The following TRPM6 variants were observed in gnomAD, a reference collection of about 807,000 sequenced individuals.
TRPM6 encodes the protein channel kinase 2.
A neutral mutation model predicts 247.6 loss-of-function variants in TRPM6; 111 were observed. The observed-to-expected ratio is 0.45, with a 90% CI of 0.38 to 0.52. TRPM6 has a LOEUF of 0.52. TRPM6 is among the 20% of genes least tolerant of loss of function. TRPM6 has a pLI of 0.00. For missense variants in TRPM6, 2,126 were observed against 2,421.5 expected (o/e 0.88, Z 2.56); for synonymous variants, 892 against 853.8 (o/e 1.04, Z -0.78).
chr9:74,816,460 G>A (rs1398297742), intron 11 of TRPM6, among the ~76,000 whole-genome samples: 13 of 109,336 alleles, frequency 1.2e-4, no homozygotes, highest in African/African-American at 4.8e-4. Context: ...AGATTGCAGA[G>A]CCAGGAAAAA....
chr9:74,736,646 A>G (rs7875346), intron 36 of TRPM6, among the ~76,000 whole-genome samples: 34,491 of 152,066 alleles, frequency 0.23, 4,936 homozygotes, highest in African/African-American at 0.4. Context: ...TCTCTGATAA[A>G]TATCTCAAAT....
intron 3 of TRPM6, among the ~76,000 whole-genome samples, chr9:74,852,188 C>CT (rs926726280): frequency 5.3e-4 from 81 of 151,702 alleles, no homozygotes; most frequent in African/African-American, 1.9e-3. Context: ...AGCGGAACTA[C>CT]TTTTTAAAAC....
At chr9:74,769,705 C>G (rs1416445087) in intron 25 of TRPM6, among the ~76,000 whole-genome samples, 3 of 150,900 alleles carry the variant, frequency 2.0e-5, no homozygotes, top group Non-Finnish European at 2.9e-5. Context: ...TTGCAGTGAG[C>G]CAAGATCACG....
chr9:74,862,854 G>A (rs1363252226), intron 1 of TRPM6, among the ~76,000 whole-genome samples: 2 of 151,604 alleles, frequency 1.3e-5, no homozygotes, highest in South Asian at 2.1e-4. Flanking sequence ...GGTGTCGGGC[G>A]CCTATAGTCC....
At chr9:74,784,022 G>A (rs1255063736) in intron 21 of TRPM6, among the ~76,000 whole-genome samples, 2 of 152,264 alleles carry the variant, frequency 1.3e-5, no homozygotes, top group Non-Finnish European at 1.5e-5. Context: ...TTGGGAGGCC[G>A]AGGCGAGCGG....
intron 5 of TRPM6, among the ~76,000 whole-genome samples, chr9:74,834,836 C>G (rs1234339786): frequency 6.6e-6 from 1 of 152,104 alleles, no homozygotes; most frequent in Non-Finnish European, 1.5e-5. Flanking sequence ...CAATCTATCC[C>G]TGATGGACAT....
chr9:74,777,495 C>T (rs945240395), intron 23 of TRPM6, among the ~76,000 whole-genome samples: 1 of 152,200 alleles, frequency 6.6e-6, no homozygotes, highest in South Asian at 2.1e-4. Flanking sequence ...AGGAGGCTCA[C>T]AAAGAGGCCT....
chr9:74,793,995 G>C (rs576553026), intron 18 of TRPM6, among the ~76,000 whole-genome samples: 1 of 151,924 alleles, frequency 6.6e-6, no homozygotes. Context: ...GGAAGGAAAG[G>C]AAGAGAAAAG....
At chr9:74,828,072 G>T (rs1019316363) in intron 6 of TRPM6, 123 bp from the exon 7 acceptor site, 2 of 1,035,786 alleles carry the variant, frequency 1.9e-6, no homozygotes. Context: ...TACTACTTGC[G>T]GCCAGGCATG....
At chr9:74,778,899 A>T (rs147788634) in intron 23 of TRPM6, among the ~76,000 whole-genome samples, 3,214 of 151,992 alleles carry the variant, frequency 0.021, 55 homozygotes, top group Non-Finnish European at 0.031. Context: ...ACCAGGCAAC[A>T]CTCCTTCCCA....
At position 74,788,635 on chromosome 9, in the gene TRPM6, A is replaced by T. The variant is rs1827779884; in HGVS notation, c.2646T>A (p.Asn882Lys). The change falls in exon 20 of 39, where the codon AAT (asparagine) becomes AAA (lysine). Residue 882 changes from asparagine (N) to lysine (K), a missense_variant. By Grantham distance (94) the Asn-to-Lys change is moderately conservative (BLOSUM62 0). Transcript: ENST00000360774. ...EWLVSIYIFT[N>K]AIEVVREICI... The stretch of plus-strand genomic sequence containing the variant: ...TCACCTCCCTGACCACCTCAATAGC[A>T]TTGGTGAAGATGTAAATGCTAACAA... The T allele has an allele frequency of 6.2e-7, 1 of 1,613,856 alleles. No homozygotes were observed. The highest frequency in any genetic ancestry group is 8.5e-7 in the Non-Finnish European group (1 of 1,179,908).
chr9:74,818,239 A>T (rs1829011136), intron 9 of TRPM6, among the ~76,000 whole-genome samples: 1 of 151,598 alleles, frequency 6.6e-6, no homozygotes, highest in African/African-American at 2.4e-5. Context: ...AGAAAGTGCA[A>T]TAGACTAAGA....
intron 37 of TRPM6, among the ~76,000 whole-genome samples, chr9:74,730,142 A>G (rs772207111): frequency 9.9e-5 from 15 of 152,160 alleles, no homozygotes; most frequent in Non-Finnish European, 2.2e-4. Flanking sequence ...TGTTTTCCAG[A>G]TTTTTCACAA....
intron 1 of TRPM6, among the ~76,000 whole-genome samples, chr9:74,864,483 A>G (rs1258898329): frequency 6.6e-6 from 1 of 152,182 alleles, no homozygotes; most frequent in African/African-American, 2.4e-5. Context: ...CAGGCTAAAA[A>G]TATCTAAAAA....
intron 1 of TRPM6, among the ~76,000 whole-genome samples, chr9:74,861,392 A>AT (rs1477787653): frequency 2.0e-5 from 3 of 152,262 alleles, no homozygotes; most frequent in African/African-American, 7.2e-5. Flanking sequence ...CCAATTAACT[A>AT]TTTTTTTAAT....
chr9:74,788,533 C>T (rs1238649548), intron 20 of TRPM6, 81 bp downstream of exon 20: 5 of 1,552,210 alleles, frequency 3.2e-6, no homozygotes, highest in Non-Finnish European at 4.4e-6. Context: ...ATTTTCATCA[C>T]CAGAGCCAAG....
intron 5 of TRPM6, among the ~76,000 whole-genome samples, chr9:74,836,413 T>C (rs1829722554): frequency 6.6e-6 from 1 of 152,170 alleles, no homozygotes; most frequent in African/African-American, 2.4e-5. Flanking sequence ...CCTGGCATCT[T>C]CCCTTCCAAC....
At chr9:74,740,079 T>C (rs1825815077) in intron 33 of TRPM6, 70 bp from the exon 34 acceptor site, 2 of 1,540,862 alleles carry the variant, frequency 1.3e-6, no homozygotes, top group Admixed American at 3.7e-5. Flanking sequence ...GTATCCTAAA[T>C]ATCAATGCAG....
intron 6 of TRPM6, 111 bp downstream of exon 6, chr9:74,833,887 T>G: frequency 1.4e-6 from 2 of 1,441,318 alleles, no homozygotes; most frequent in Non-Finnish European, 1.9e-6. Context: ...GAGTTGGTAG[T>G]GAATATATTA....
Sources: gnomAD v4.1 joint callset for allele counts (sites outside exome capture counted in the v4.1 genomes callset) on GRCh38, gnomAD v4.1.1 for gene constraint, MANE v1.5 for transcripts, NCBI Gene and HGNC (gene_info 2026-07-23, HGNC 2026-07-21) for gene names.